DIAPH1: variants seen among roughly 807,000 people sequenced by gnomAD.
DIAPH1 encodes protein diaphanous homolog 1.
DIAPH1 carries 46 observed loss-of-function variants against 140.7 expected under a neutral mutation model. The observed-to-expected ratio is 0.33, with a 90% CI of 0.26 to 0.42. DIAPH1 has a LOEUF of 0.42. Among genes scored for constraint, DIAPH1 ranks in the 10% least tolerant of loss-of-function variants. The probability of loss-of-function intolerance (pLI) is 1.00; values close to 1 mark genes in which losing one functional copy is unlikely to be tolerated. For synonymous variants in DIAPH1, 565 were observed against 551.6 expected (o/e 1.02, Z -0.34); for missense variants, 1,310 against 1,558.7 (o/e 0.84, Z 2.69).
intron 18 of DIAPH1, among the ~76,000 whole-genome samples, chr5:141,546,573 T>C (rs1036172764): frequency 2.6e-5 from 4 of 151,824 alleles, no homozygotes; most frequent in East Asian, 1.9e-4. Context: ...GGAGAATTGA[T>C]TGAACCCGAG....
chr5:141,559,322 G>C (rs184099005), intron 18 of DIAPH1, among the ~76,000 whole-genome samples: 136 of 152,224 alleles, frequency 8.9e-4, no homozygotes, highest in Non-Finnish European at 1.4e-3. Flanking sequence ...CATGCCAACC[G>C]AATAGCAGTT....
rs184081055 is a variant in DIAPH1 at position 141,587,125 on chromosome 5, C to T, written c.217G>A (p.Ala73Thr). Reference sequence around the variant, plus strand: ...GCTGTGGGATCATCCCCATATGATGCAGAAGAATTTCTATGAGCAGAATTG... The same window carrying T: ...GCTGTGGGATCATCCCCATATGATGTAGAAGAATTTCTATGAGCAGAATTG... ...KPNSAHRNSSASYGDDPTAQS... is the reference protein window; with the variant it reads ...KPNSAHRNSSTSYGDDPTAQS... The change falls in exon 3 of 28, where the codon GCA becomes ACA. Residue 73 changes from alanine to threonine, a missense_variant. Transcript: ENST00000389054. The T allele has an allele frequency of 5.4e-5, 87 of 1,614,130 alleles. No homozygotes were observed. The Middle Eastern group carries it at 8.2e-4, about 15-fold the overall frequency.
chr5:141,575,881 T>C (rs571824224), intron 14 of DIAPH1, among the ~76,000 whole-genome samples: 1 of 152,318 alleles, frequency 6.6e-6, no homozygotes, highest in East Asian at 1.9e-4. Context: ...AGACATCCTC[T>C]AGTTCTATTG....
At chr5:141,549,510 G>A (rs981386336) in intron 18 of DIAPH1, among the ~76,000 whole-genome samples, 7 of 152,094 alleles carry the variant, frequency 4.6e-5, no homozygotes, top group Non-Finnish European at 8.8e-5. Context: ...TGGAAAGGAC[G>A]TAGAAAATCT....
In DIAPH1 at chr5:141,588,259, C is replaced by G. The variant is rs1346309649; in HGVS notation, c.118-9G>C. ...ATGAGCCGCTTCAGAGTCTAGGAAA[C>G]AGGAAAAAGGAGGGAGAAGAAAGAA... On this transcript the variant is annotated splice_polypyrimidine_tract_variant and intron_variant, in intron 1 of 27. Transcript: ENST00000389054. 6.2e-7 allele frequency: 1 copy of G among 1,609,704 alleles called. No homozygotes were observed. Among genetic ancestry groups the G allele is most frequent in the Admixed American group, 1.7e-5 (1 of 59,898 alleles).
At chr5:141,602,841 G>A (rs896298433) in intron 1 of DIAPH1, among the ~76,000 whole-genome samples, 2 of 152,032 alleles carry the variant, frequency 1.3e-5, no homozygotes, top group Non-Finnish European at 2.9e-5. Flanking sequence ...CATTTTCAAG[G>A]AATGGCCCAA....
intron 1 of DIAPH1, among the ~76,000 whole-genome samples, chr5:141,600,547 T>C (rs1198476882): frequency 2.6e-5 from 4 of 152,126 alleles, no homozygotes; most frequent in Admixed American, 2.6e-4. Context: ...GGCTCATGAG[T>C]CCTGATTTTT....
rs149514144 is a variant in DIAPH1 at position 141,566,094 on chromosome 5, A to C, written c.2482+5334T>G. Among the ~76,000 whole-genome samples, 582 of 152,150 alleles carry C rather than the reference A, an allele frequency of 3.8e-3. 5 individuals carry two copies. The highest frequency in any genetic ancestry group is 0.011 in the Admixed American group (168 of 15,276). ...AAAGAGTGAAGTCATCAGAAAGTGA[A>C]GGACAGTGAAATGCTGGTAGGACAA... On this transcript the variant is annotated intron_variant, in intron 18 of 27. Transcript: ENST00000389054.
intron 18 of DIAPH1, among the ~76,000 whole-genome samples, chr5:141,553,849 A>T (rs1328679667): frequency 1.3e-5 from 2 of 152,204 alleles, no homozygotes; most frequent in Non-Finnish European, 2.9e-5. Flanking sequence ...TTTTGGCTTA[A>T]AACATTTTTT....
At chr5:141,613,454 C>A (rs952028248) in intron 1 of DIAPH1, among the ~76,000 whole-genome samples, 2 of 152,202 alleles carry the variant, frequency 1.3e-5, no homozygotes, top group Non-Finnish European at 2.9e-5. Flanking sequence ...AAAATTTCTG[C>A]TCCTCTTCCT....
chr5:141,545,684 G>A (rs1181662075), intron 18 of DIAPH1, among the ~76,000 whole-genome samples: 2 of 151,932 alleles, frequency 1.3e-5, no homozygotes, highest in East Asian at 3.9e-4. Flanking sequence ...GATGATGAGA[G>A]AAGAACACAT....
At chr5:141,523,073 G>A (rs1010484220) in intron 27 of DIAPH1, among the ~76,000 whole-genome samples, 6 of 152,212 alleles carry the variant, frequency 3.9e-5, no homozygotes, top group Admixed American at 2.6e-4. Flanking sequence ...GGCTGTGGCA[G>A]GTACTACAGG....
chr5:141,573,676 C>G lies in DIAPH1; in HGVS notation c.2174G>C (p.Gly725Ala). Residue 725 changes from glycine (G) to alanine (A), a missense_variant, in exon 16 of 28, where the codon GGA becomes GCA. Physicochemically the swap from Gly to Ala is moderately conservative, Grantham distance 60 (BLOSUM62 0). This residue lies in a region of DIAPH1 where 589 missense variants were observed against 549.3 expected (regional missense o/e 1.07). Transcript: ENST00000389054. Reference protein sequence around the residue: ...PPPPPLPGGPGIPPPPPFPGG... With the variant: ...PPPPPLPGGPAIPPPPPFPGG... ...GGGAAATGGAGGAGGTGGAGGGATT[C>G]CAGGACCACCAGGAAGAGGGGGAGG... 6.2e-7 allele frequency: 1 copy of G among 1,605,344 alleles called. No individual in the cohort carries two copies. Among genetic ancestry groups the G allele is most frequent in the Non-Finnish European group, 8.5e-7 (1 of 1,175,274 alleles).
At chr5:141,541,832 A>G (rs948942893) in intron 18 of DIAPH1, among the ~76,000 whole-genome samples, 3 of 152,242 alleles carry the variant, frequency 2.0e-5, no homozygotes, top group African/African-American at 7.2e-5. Context: ...TATGTGAACA[A>G]AAGTTACGTG....
intron 18 of DIAPH1, among the ~76,000 whole-genome samples, chr5:141,554,557 T>C (rs540585172): frequency 6.6e-6 from 1 of 152,064 alleles, no homozygotes; most frequent in African/African-American, 2.4e-5. Context: ...TCTCAACTCA[T>C]GTTGTGAGGC....
In DIAPH1 at chr5:141,576,813, C is replaced by T. The variant is rs779687295; in HGVS notation, c.1339G>A (p.Gly447Arg). The change falls in exon 13 of 28, where the codon GGG becomes AGG. Residue 447 changes from glycine (G) to arginine (R), a missense_variant. Around this residue, in one of 3 missense-constraint regions of DIAPH1, gnomAD observed 589 missense variants for 549.3 expected, o/e 1.07. Transcript: ENST00000389054. The part of the protein sequence containing the change: ...CISQIVLHKN[G>R]ADPDFKCRHL... ...CGGCACTTGAAGTCAGGATCAGCCC[C>T]GTTCTTGTGCAGAACTATCTGGGAA... The T allele has an allele frequency of 7.4e-6, 12 of 1,613,916 alleles. No homozygotes were observed. In the East Asian group the frequency reaches 1.6e-4, roughly 21 times the overall value.
At position 141,528,526 on chromosome 5, in the gene DIAPH1, C is replaced by T. The variant is rs761336460; in HGVS notation, c.3075G>A (p.Glu1025=). The T allele has an allele frequency of 4.3e-6, 7 of 1,614,230 alleles. No individual in the cohort carries two copies. The highest frequency in any genetic ancestry group is 5.1e-6 in the Non-Finnish European group (6 of 1,180,034). The change falls in exon 23 of 28, where the codon GAG becomes GAA. Residue 1025 remains glutamate (E), a synonymous_variant. Transcript: ENST00000389054. ...CATCGGGATAGTCATTCTCACACAACTCAGCCAAGAAGTGTAACAACGTCA... is the reference window on the plus strand; with the variant it reads ...CATCGGGATAGTCATTCTCACACAATTCAGCCAAGAAGTGTAACAACGTCA... The part of the protein sequence containing the change: ...QKMTLLHFLA[E]LCENDYPDVL...
chr5:141,591,695 G>GAGATATATATATATATATATAT lies in DIAPH1; in HGVS notation c.118-3446_118-3445insATATATATATATATATATATCT, dbSNP rs1212743856. On this transcript the variant is annotated intron_variant, in intron 1 of 27. Transcript: ENST00000389054. ...TGGAAAAGGAAGGAAGGGAGATGGG[G>GAGATATATATATATATATATAT]ATATATATATATATATATATATATA... Among the ~76,000 whole-genome samples the GAGATATATATATATATATATAT allele has an allele frequency of 6.8e-4, 59 of 86,342 alleles. 1 individual carries two copies. The highest frequency in any genetic ancestry group is 2.8e-3 in the African/African-American group (49 of 17,468). The allele number at this position is 86,342 out of a possible 152,430, so 56.6% of individuals were successfully genotyped here.
chr5:141,565,871 A>G lies in DIAPH1; in HGVS notation c.2482+5557T>C, dbSNP rs187870353. Among the ~76,000 whole-genome samples, 251 of 152,290 alleles carry G rather than the reference A, an allele frequency of 1.6e-3. 2 individuals carry two copies. The highest frequency in any genetic ancestry group is 5.5e-3 in the African/African-American group (229 of 41,546). ...CCTGTCCTGAAAGCTAAGAGAAGAA[A>G]GTCTGTCAAAGGAGGGCCCAGTTTT... On this transcript the variant is annotated intron_variant, in intron 18 of 27. Transcript: ENST00000389054. The surrounding 1 kb of genome is among the most constrained non-coding windows in gnomAD (Gnocchi z 4.3).
Sources: gnomAD v4.1 joint callset for allele counts (sites outside exome capture counted in the v4.1 genomes callset) on GRCh38, gnomAD v4.1.1 for gene constraint, gnomAD v4.1.1 regional missense constraint, Gnocchi (gnomAD v3.1) non-coding constraint, MANE v1.5 for transcripts, NCBI Gene and HGNC (gene_info 2026-07-23, HGNC 2026-07-21) for gene names.